The following TBC1D5 variants were observed in gnomAD, a reference collection of about 807,000 sequenced individuals.
TBC1D5 encodes TBC1 domain family member 5.
A neutral mutation model predicts 100.3 loss-of-function variants in TBC1D5; 75 were observed. That is an observed-to-expected ratio of 0.75 (90% CI 0.62 to 0.91). The LOEUF is 0.91. Among genes scored for constraint, TBC1D5 ranks in the 40% least tolerant of loss-of-function variants. TBC1D5 has a pLI of 0.00. For synonymous variants in TBC1D5, 323 were observed against 325.6 expected (o/e 0.99, Z 0.09); for missense variants, 910 against 942.4 (o/e 0.97, Z 0.45).
chr3:17,450,590 A>G (rs149483579), intron 3 of TBC1D5, among the ~76,000 whole-genome samples: 1 of 152,178 alleles, frequency 6.6e-6, no homozygotes, highest in South Asian at 2.1e-4. Context: ...TGAAGCATAC[A>G]CAAGTATCAA....
intron 1 of TBC1D5, among the ~76,000 whole-genome samples, chr3:17,626,231 A>G (rs754167961): frequency 1.3e-5 from 2 of 152,192 alleles, no homozygotes; most frequent in Non-Finnish European, 2.9e-5. Flanking sequence ...ATGACAAACC[A>G]CATTCTTCAA....
chr3:17,387,158 A>G (rs2093184557), intron 8 of TBC1D5, among the ~76,000 whole-genome samples: 1 of 152,164 alleles, frequency 6.6e-6, no homozygotes, highest in African/African-American at 2.4e-5. Flanking sequence ...AAGCTCTGAA[A>G]AAGAAGTAAA....
intron 13 of TBC1D5, among the ~76,000 whole-genome samples, chr3:17,336,482 G>C (rs1307462361): frequency 2.0e-5 from 3 of 152,084 alleles, no homozygotes; most frequent in Non-Finnish European, 2.9e-5. Context: ...AGCTAAAATA[G>C]GTCACGGCTG....
chr3:17,299,792 G>C (rs2082637300), intron 14 of TBC1D5, among the ~76,000 whole-genome samples: 1 of 149,560 alleles, frequency 6.7e-6, no homozygotes, highest in Non-Finnish European at 1.5e-5. Context: ...CCGGGAGGCG[G>C]AGCTTGCAGT....
chr3:17,727,243 C>T (rs1577839037), intron 1 of TBC1D5, among the ~76,000 whole-genome samples: 1 of 151,846 alleles, frequency 6.6e-6, no homozygotes, highest in African/African-American at 2.4e-5. Context: ...TAGCTGGGCA[C>T]GGTGGCGCAT....
At chr3:17,225,453 A>AC (rs1205833131) in intron 17 of TBC1D5, among the ~76,000 whole-genome samples, 4 of 150,718 alleles carry the variant, frequency 2.7e-5, no homozygotes, top group Admixed American at 1.3e-4. Flanking sequence ...AAAAAAAAAA[A>AC]AAACAAAAAA....
At chr3:17,193,130 T>C (rs1348770694) in intron 18 of TBC1D5, among the ~76,000 whole-genome samples, 1 of 152,220 alleles carries the variant, frequency 6.6e-6, no homozygotes, top group Non-Finnish European at 1.5e-5. Context: ...TGTGATAAAA[T>C]TGGGGTGGCC....
intron 3 of TBC1D5, among the ~76,000 whole-genome samples, chr3:17,432,130 A>C (rs1428377934): frequency 6.6e-6 from 1 of 152,182 alleles, no homozygotes; most frequent in Non-Finnish European, 1.5e-5. Flanking sequence ...AAAGTATTAC[A>C]TAATAAAGAA....
intron 17 of TBC1D5, among the ~76,000 whole-genome samples, chr3:17,235,577 C>T (rs1218743001): frequency 3.3e-5 from 5 of 152,150 alleles, no homozygotes; most frequent in African/African-American, 1.2e-4. Flanking sequence ...GAAATACCAG[C>T]ATAAAGAACC....
rs770963901 is a variant in TBC1D5 at position 17,258,495 on chromosome 3, A to G, written c.1331+11T>C. ...GTGATTTATAACTATCATCAGAAAAAGGGGACTTACCGGCTTTTATTCATG... is the reference window on the plus strand; with the variant it reads ...GTGATTTATAACTATCATCAGAAAAGGGGGACTTACCGGCTTTTATTCATG... On this transcript the variant is annotated intron_variant, in intron 16 of 21. Transcript: ENST00000253692. The G allele has an allele frequency of 8.7e-6, 14 of 1,605,400 alleles. No homozygotes were observed. Among genetic ancestry groups the G allele is most frequent in the East Asian group, 4.5e-5 (2 of 44,494 alleles).
intron 3 of TBC1D5, among the ~76,000 whole-genome samples, chr3:17,488,110 G>C (rs1322283899): frequency 6.6e-6 from 1 of 152,158 alleles, no homozygotes; most frequent in Non-Finnish European, 1.5e-5. Context: ...CTGCCCTAAA[G>C]ATCTTCTGTG....
At chr3:17,544,856 A>G (rs1474245587) in intron 2 of TBC1D5, among the ~76,000 whole-genome samples, 2 of 152,200 alleles carry the variant, frequency 1.3e-5, no homozygotes, top group Non-Finnish European at 2.9e-5. Flanking sequence ...CAAACTGCTA[A>G]TATGTTTAGA....
At chr3:17,187,353 AAAG>A (rs1204470986) in intron 18 of TBC1D5, among the ~76,000 whole-genome samples, 2 of 152,238 alleles carry the variant, frequency 1.3e-5, no homozygotes, top group Non-Finnish European at 2.9e-5. Flanking sequence ...ACCATGCTGT[AAAG>A]AAGTTTAGGC....
chr3:17,285,503 G>A (rs1004484545), intron 15 of TBC1D5, among the ~76,000 whole-genome samples: 9 of 151,694 alleles, frequency 5.9e-5, no homozygotes, highest in Admixed American at 2.6e-4. Flanking sequence ...CTCGTGATCC[G>A]CCCGCCTCGG....
At chr3:17,594,123 T>C (rs1260785985) in intron 2 of TBC1D5, among the ~76,000 whole-genome samples, 1 of 152,172 alleles carries the variant, frequency 6.6e-6, no homozygotes, top group African/African-American at 2.4e-5. Flanking sequence ...GAAGTTAAGA[T>C]TGCCACCTGG....
chr3:17,438,822 C>G (rs948503938), intron 3 of TBC1D5, among the ~76,000 whole-genome samples: 1 of 151,962 alleles, frequency 6.6e-6, no homozygotes, highest in Admixed American at 6.6e-5. Flanking sequence ...ATAAAACATA[C>G]CCTCCTCAAA....
At chr3:17,192,364 A>T (rs1391940877) in intron 18 of TBC1D5, among the ~76,000 whole-genome samples, 1 of 136,994 alleles carries the variant, frequency 7.3e-6, no homozygotes, top group Non-Finnish European at 1.6e-5. Context: ...AATAAATTGT[A>T]AAAAAAAAAA....
intron 1 of TBC1D5, among the ~76,000 whole-genome samples, chr3:17,667,512 G>A (rs1010462889): frequency 4.6e-5 from 7 of 151,910 alleles, no homozygotes; most frequent in Middle Eastern, 3.4e-3. Context: ...CTGGAGAGCA[G>A]TGGCACAATC....
chr3:17,703,642 G>A (rs890930845), intron 1 of TBC1D5, among the ~76,000 whole-genome samples: 3 of 152,072 alleles, frequency 2.0e-5, no homozygotes, highest in African/African-American at 7.2e-5. Context: ...TCTAATAACT[G>A]AAATCCCTGA....
Sources: gnomAD v4.1 joint callset for allele counts (sites outside exome capture counted in the v4.1 genomes callset) on GRCh38, gnomAD v4.1.1 for gene constraint, MANE v1.5 for transcripts, NCBI Gene and HGNC (gene_info 2026-07-23, HGNC 2026-07-21) for gene names.